PTPRF: variants seen among roughly 807,000 people sequenced by gnomAD.
The protein encoded by PTPRF is protein tyrosine phosphatase receptor type F.
PTPRF carries 59 observed loss-of-function variants against 201.8 expected under a neutral mutation model. The ratio of observed to expected loss-of-function variants is 0.29; its 90% confidence interval spans 0.24 to 0.36. The LOEUF (loss-of-function observed/expected upper bound fraction) is 0.36. PTPRF is among the 10% of genes least tolerant of loss of function. PTPRF has a pLI of 1.00. For missense variants in PTPRF, 2,132 were observed against 2,690.5 expected (o/e 0.79, Z 4.59); for synonymous variants, 1,088 against 1,089.7 (o/e 1.00, Z 0.03).
rs935372035 is a variant in PTPRF, at chr1:43,605,757, C to G, written c.3483+135C>G. The G allele has an allele frequency of 1.2e-5, 10 of 860,804 alleles. No homozygotes were observed. In the African/African-American group the frequency reaches 1.7e-4, roughly 14 times the overall value. 53.3% of individuals were successfully genotyped at this position (860,804 alleles called of 1,614,324 possible). A position where few individuals can be genotyped will look rare whatever the true frequency, so the allele number is the denominator to read the frequency against. Reference sequence around the variant, plus strand: ...AATCTCTCTTCTGGCTGGCAGCCCGCCCCTCTCTGGAGAGAGGGACTCTGA... The same window carrying G: ...AATCTCTCTTCTGGCTGGCAGCCCGGCCCTCTCTGGAGAGAGGGACTCTGA... On this transcript the variant is annotated intron_variant, in intron 19 of 33. Coordinates refer to ENST00000359947, the MANE Select transcript of PTPRF (RefSeq NM_002840.5).
In PTPRF at chr1:43,553,228, G is replaced by C. The variant is rs182766970; in HGVS notation, c.92-264G>C. 1.2e-4 allele frequency among the ~76,000 whole-genome samples: 19 copies of C among 152,324 alleles called. No individual in the cohort carries two copies. The highest frequency in any genetic ancestry group is 2.6e-4 in the Admixed American group (4 of 15,300). ...CAGATCTTAGCTCTACCACTTACCA[G>C]CTGTGTCATATGGGACAAATCCCTT... On this transcript the variant is annotated intron_variant, in intron 3 of 33. Coordinates refer to ENST00000359947, the MANE Select transcript of PTPRF (RefSeq NM_002840.5). The surrounding 1 kb of genome is among the most constrained non-coding windows in gnomAD (Gnocchi z 4.1).
chr1:43,619,231 G>T, intron 27 of PTPRF, 29 bp downstream of exon 27: 4 of 1,605,206 alleles, frequency 2.5e-6, no homozygotes, highest in Admixed American at 1.7e-5. Flanking sequence ...ACCCAGAGGG[G>T]TGGGTGGGGT....
intron 3 of PTPRF, among the ~76,000 whole-genome samples, chr1:43,552,688 G>GAAA (rs1645112191): frequency 6.6e-6 from 1 of 152,118 alleles, no homozygotes; most frequent in Non-Finnish European, 1.5e-5. Flanking sequence ...GGCTTCTCTG[G>GAAA]GTTCATGACC....
chr1:43,547,253 A>G (rs999477424), intron 3 of PTPRF, among the ~76,000 whole-genome samples: 2 of 151,828 alleles, frequency 1.3e-5, no homozygotes, highest in Admixed American at 6.6e-5. Context: ...TGGTAGGGGC[A>G]AGGGGGAACA....
At chr1:43,550,687 G>A (rs1569727998) in intron 3 of PTPRF, among the ~76,000 whole-genome samples, 2 of 152,204 alleles carry the variant, frequency 1.3e-5, no homozygotes, top group Non-Finnish European at 1.5e-5. Context: ...AATCTCACAC[G>A]TGTGCATAAT....
intron 22 of PTPRF, chr1:43,612,731 GT>G (rs746271960): frequency 4.4e-6 from 6 of 1,355,638 alleles, no homozygotes; most frequent in South Asian, 2.3e-5. Context: ...TTGCCCCGTT[GT>G]TTTTTTCGTT....
rs535248583 is a variant in PTPRF, at chr1:43,604,251, C to T, written c.3037+62C>T. The T allele has an allele frequency of 9.8e-6, 15 of 1,531,442 alleles. No individual in the cohort carries two copies. In the African/African-American group the frequency reaches 1.9e-4, roughly 19 times the overall value. The allele number at this position is 1,531,442 out of a possible 1,614,324, so 94.9% of individuals were successfully genotyped here. The stretch of plus-strand genomic sequence containing the variant: ...GGCTGCATCTGGGGGTCTCTGCTCT[C>T]CTTGAGCCACTGACCTCTGGCGACT... On this transcript the variant is annotated intron_variant, in intron 16 of 33. Coordinates refer to ENST00000359947, the MANE Select transcript of PTPRF (RefSeq NM_002840.5).
chr1:43,587,302 G>T (rs1349000003), intron 7 of PTPRF, among the ~76,000 whole-genome samples: 2 of 152,224 alleles, frequency 1.3e-5, no homozygotes, highest in African/African-American at 4.8e-5. Context: ...GACTGACGCA[G>T]AACACATTGC....
Position 43,549,681 on chromosome 1 carries a change from C to G in PTPRF, c.92-3811C>G, listed in dbSNP as rs117586287. 4.6e-3 allele frequency among the ~76,000 whole-genome samples: 693 copies of G among 152,260 alleles called. 27 individuals carry two copies. In the East Asian group the frequency reaches 0.092, roughly 20 times the overall value. On this transcript the variant is annotated intron_variant, in intron 3 of 33. Coordinates refer to ENST00000359947, the MANE Select transcript of PTPRF (RefSeq NM_002840.5). ...ACCAGCCTGGCAATGTGGTGAAACC[C>G]TGTCTTTACCAAAAATACAAAAAAT...
intron 3 of PTPRF, among the ~76,000 whole-genome samples, chr1:43,545,932 T>G (rs1644642077): frequency 6.6e-6 from 1 of 152,160 alleles, no homozygotes; most frequent in Non-Finnish European, 1.5e-5. Flanking sequence ...ATCGCCATGG[T>G]TACCACTCCT....
rs765726653 is a variant in PTPRF, at chr1:43,619,269, C to T, written c.4647-19C>T. 1 of 1,611,920 alleles carries T rather than the reference C, an allele frequency of 6.2e-7. No homozygotes were observed. Among genetic ancestry groups the T allele is most frequent in the East Asian group, 2.2e-5 (1 of 44,836 alleles). On this transcript the variant is annotated intron_variant, in intron 27 of 33. Transcript: ENST00000359947. ...GAGGTGGGGGCGCCTGTGCCTCAAG[C>T]TGAGCCCGTGTCCTGCAGCGCGGGC...
Position 43,553,693 on chromosome 1 carries a change from C to T in PTPRF, c.237+56C>T, listed in dbSNP as rs1645172745. On this transcript the variant is annotated intron_variant, in intron 4 of 33. Coordinates refer to ENST00000359947, the MANE Select transcript of PTPRF (RefSeq NM_002840.5). The surrounding 1 kb of genome is among the most constrained non-coding windows in gnomAD (Gnocchi z 4.1). ...GCTCAGGGTCTGCCCACACTCTCTC[C>T]TTTCAGTGTCCCTCCTCATGGACCT... is the stretch of plus-strand genomic sequence containing the variant. 6.2e-7 allele frequency: 1 copy of T among 1,609,986 alleles called. No individual in the cohort carries two copies. The highest frequency in any genetic ancestry group is 8.5e-7 in the Non-Finnish European group (1 of 1,177,612).
At chr1:43,583,820 C>T (rs1463720723) in intron 7 of PTPRF, among the ~76,000 whole-genome samples, 2 of 152,182 alleles carry the variant, frequency 1.3e-5, no homozygotes, top group African/African-American at 4.8e-5. Context: ...CTACCTGCCC[C>T]AGGCCCCTCT....
rs555778636 is a variant in PTPRF, at chr1:43,542,503, G to A, written c.-45-2528G>A. 3.9e-5 allele frequency among the ~76,000 whole-genome samples: 6 copies of A among 152,226 alleles called. No homozygotes were observed. The East Asian group carries it at 1.2e-3, about 29-fold the overall frequency. On this transcript the variant is annotated intron_variant, in intron 2 of 33. Coordinates refer to ENST00000359947, the MANE Select transcript of PTPRF (RefSeq NM_002840.5). This position sits in a 1 kb window ranked among gnomAD's most constrained non-coding sequence, Gnocchi z 5.2. ...TTCTGGAGGCCCCACGTTGGGGGTA[G>A]GGTTACCTGAGGCCCAAGTTCTCCA...
At chr1:43,605,765 T>A in intron 19 of PTPRF, 143 bp downstream of exon 19, 1 of 790,058 alleles carries the variant, frequency 1.3e-6, no homozygotes, top group Non-Finnish European at 2.1e-6. Context: ...CGCCCCTCTC[T>A]GGAGAGAGGG....
At chr1:43,550,047 G>C (rs895244226) in intron 3 of PTPRF, among the ~76,000 whole-genome samples, 3 of 152,096 alleles carry the variant, frequency 2.0e-5, no homozygotes, top group African/African-American at 7.3e-5. Context: ...TGTGTCCTGC[G>C]GGTGGAGGTG....
chr1:43,552,157 C>T (rs1645077974), intron 3 of PTPRF, among the ~76,000 whole-genome samples: 3 of 152,182 alleles, frequency 2.0e-5, no homozygotes, highest in Admixed American at 1.3e-4. Flanking sequence ...CTCATCCTTT[C>T]CAGCTGCTGG....
chr1:43,589,133 C>A, intron 8 of PTPRF, 133 bp downstream of exon 8: 2 of 1,108,612 alleles, frequency 1.8e-6, no homozygotes, highest in Non-Finnish European at 2.4e-6. Flanking sequence ...GTGTCCCTGC[C>A]CTGGGGTCCT....
intron 3 of PTPRF, among the ~76,000 whole-genome samples, chr1:43,552,846 G>A (rs957661818): frequency 1.2e-4 from 18 of 148,842 alleles, no homozygotes; most frequent in Non-Finnish European, 3.0e-5. Flanking sequence ...GAGACTGTCA[G>A]AAGGCAATAA....
Sources: gnomAD v4.1 joint callset for allele counts (sites outside exome capture counted in the v4.1 genomes callset) on GRCh38, gnomAD v4.1.1 for gene constraint, Gnocchi (gnomAD v3.1) non-coding constraint, MANE v1.5 for transcripts, NCBI Gene and HGNC (gene_info 2026-07-23, HGNC 2026-07-21) for gene names.